The following EXOC1 variants were observed in gnomAD, a reference collection of about 807,000 sequenced individuals.
EXOC1 encodes exocyst complex component 1.
In EXOC1, 67 loss-of-function variants were observed where a neutral mutation model predicts 107.7. That is an observed-to-expected ratio of 0.62 (90% CI 0.51 to 0.76). The LOEUF (loss-of-function observed/expected upper bound fraction) is 0.76, where lower values mean the gene tolerates loss of function less well. EXOC1 is among the 30% of genes least tolerant of loss of function. EXOC1 has a pLI of 0.00. For missense variants in EXOC1, 833 were observed against 1,055.7 expected, an observed-to-expected ratio of 0.79 and a Z score of 2.92; for synonymous variants, 348 against 353.5, an observed-to-expected ratio of 0.98 and a Z score of 0.17.
chr4:55,855,287 G>A lies in EXOC1; in HGVS notation c.-11+1334G>A, dbSNP rs148117132. On this transcript the variant is annotated intron_variant, in intron 1 of 18. Coordinates refer to ENST00000381295, the MANE Select transcript of EXOC1 (RefSeq NM_001024924.2). ...ACCTGGGTCAGTATATTTGCAGTGC[G>A]AAAAGAAAGGAATAAATTACATGTA... Among the ~76,000 whole-genome samples, 89 of 152,260 alleles carry A rather than the reference G, an allele frequency of 5.8e-4. No individual in the cohort carries two copies. The East Asian group carries it at 0.015, about 26-fold the overall frequency.
Position 55,860,391 on chromosome 4 carries a change from G to A in EXOC1, c.125-20G>A, listed in dbSNP as rs1167414238. 19 of 1,612,364 alleles carry A rather than the reference G, an allele frequency of 1.2e-5. No homozygotes were observed. Among genetic ancestry groups the A allele is most frequent in the Admixed American group, 1.7e-5 (1 of 59,952 alleles). ...GAAAGGGGTAATATTTCTAATAAAA[G>A]TGTGCGTTTTACTCAACAGTGACAA... On this transcript the variant is annotated intron_variant, in intron 2 of 18. Transcript: ENST00000381295.
At chr4:55,871,717 T>C in intron 7 of EXOC1, 132 bp from the exon 8 acceptor site, 2 of 691,448 alleles carry the variant, frequency 2.9e-6, no homozygotes, top group South Asian at 4.1e-5. Flanking sequence ...CTGCTTAACT[T>C]TTATCATGTA....
Position 55,899,729 on chromosome 4 carries a change from GT to G in EXOC1, c.2184del (p.Met729Ter), listed in dbSNP as rs779111123. The G allele has an allele frequency of 6.2e-7, 1 of 1,613,700 alleles. No individual in the cohort carries two copies. Among genetic ancestry groups the G allele is most frequent in the East Asian group, 2.2e-5 (1 of 44,822 alleles). On this transcript the variant is annotated frameshift_variant, in exon 17 of 19. Coordinates refer to ENST00000381295, the MANE Select transcript of EXOC1 (RefSeq NM_001024924.2). LOFTEE classifies it high-confidence loss of function. Reference protein sequence around the residue: ...NESQKTPRDVVMMENFHHIFA... With the variant: ...NESQKTPRDVXMMENFHHIFA... The stretch of plus-strand genomic sequence containing the variant: ...AAGCCAGAAGACCCCCAGGGATGTG[GT>G]TATGATGGAAAACTTTCACCATATT...
chr4:55,893,811 G>A (rs1724859237), intron 15 of EXOC1, 31 bp downstream of exon 15: 4 of 1,557,772 alleles, frequency 2.6e-6, no homozygotes, highest in Non-Finnish European at 3.5e-6. Context: ...AAATACCTTA[G>A]CATCCTAGTC....
intron 5 of EXOC1, among the ~76,000 whole-genome samples, chr4:55,870,057 A>G (rs1722283690): frequency 6.6e-6 from 1 of 151,976 alleles, no homozygotes; most frequent in African/African-American, 2.4e-5. Context: ...TTGCCTGGGG[A>G]AGAAAAAAAA....
chr4:55,858,820 C>A (rs993835167), intron 2 of EXOC1, among the ~76,000 whole-genome samples: 23 of 151,974 alleles, frequency 1.5e-4, no homozygotes, highest in African/African-American at 5.6e-4. Context: ...GGTTATCAAC[C>A]TTTTGTTGGT....
chr4:55,856,859 A>G (rs973555156), intron 1 of EXOC1, among the ~76,000 whole-genome samples: 1 of 152,184 alleles, frequency 6.6e-6, no homozygotes, highest in Non-Finnish European at 1.5e-5. Flanking sequence ...TTTCAATTGT[A>G]TAATTGAGTG....
intron 18 of EXOC1, 27 bp from the exon 19 acceptor site, chr4:55,904,315 GC>G (rs762775180): frequency 2.2e-5 from 35 of 1,562,312 alleles, no homozygotes; most frequent in Non-Finnish European, 2.9e-5. Context: ...TCCATTCATA[GC>G]CTAATGACTT....
intron 8 of EXOC1, chr4:55,876,827 T>G: frequency 3.0e-6 from 3 of 984,772 alleles, no homozygotes; most frequent in Non-Finnish European, 3.6e-6. Context: ...CTTTTTAATT[T>G]CCATTTTAAA....
intron 16 of EXOC1, among the ~76,000 whole-genome samples, chr4:55,898,099 A>G (rs936597142): frequency 6.6e-6 from 1 of 152,076 alleles, no homozygotes; most frequent in Non-Finnish European, 1.5e-5. Context: ...TACAAAAAAA[A>G]TTTAAAAAAT....
In EXOC1 at chr4:55,897,182, G is replaced by A. The variant is rs184764218; in HGVS notation, c.2137+282G>A. Among the ~76,000 whole-genome samples, 16 of 150,500 alleles carry A rather than the reference G, an allele frequency of 1.1e-4. No individual in the cohort carries two copies. In the East Asian group the frequency reaches 2.9e-3, roughly 28 times the overall value. ...CACTCTGTCGCCCAGGCTGGAGTGC[G>A]GTGGCATGATCTTGGCTCACTGCAA... On this transcript the variant is annotated intron_variant, in intron 16 of 18. Coordinates refer to ENST00000381295, the MANE Select transcript of EXOC1 (RefSeq NM_001024924.2).
At chr4:55,896,585 G>A (rs974900148) in intron 15 of EXOC1, 132 bp from the exon 16 acceptor site, 5 of 640,982 alleles carry the variant, frequency 7.8e-6, no homozygotes, top group Non-Finnish European at 1.2e-5. Context: ...AGTGTTCTAG[G>A]TACCACATAA....
chr4:55,865,344 A>G (rs1287666776), intron 4 of EXOC1, among the ~76,000 whole-genome samples: 1 of 152,174 alleles, frequency 6.6e-6, no homozygotes, highest in East Asian at 1.9e-4. Context: ...GCACTTAGTA[A>G]TCAGTGAGCC....
At chr4:55,891,561 T>A in intron 13 of EXOC1, 139 bp downstream of exon 13, 1 of 605,870 alleles carries the variant, frequency 1.7e-6, no homozygotes, top group South Asian at 2.4e-5. Flanking sequence ...ATGTAAGGAT[T>A]TAGGATGTAA....
At position 55,853,959 on chromosome 4, in the gene EXOC1, A is replaced by T. The variant is rs1004192538; in HGVS notation, c.-11+6A>T. The T allele has an allele frequency of 1.3e-5, 2 of 152,342 alleles. No homozygotes were observed. Among genetic ancestry groups the T allele is most frequent in the East Asian group, 1.9e-4 (1 of 5,194 alleles). 9.4% of individuals were successfully genotyped at this position (152,342 alleles called of 1,614,324 possible). On this transcript the variant is annotated splice_donor_region_variant and intron_variant, in intron 1 of 18. Transcript: ENST00000381295. ...TCCTTTCCCCGTTTGTCCCGGTAAG[A>T]CGAAGTTTGGTCAGAGCATTCTCCA... is the stretch of plus-strand genomic sequence containing the variant.
chr4:55,869,167 A>G (rs1349164460), intron 5 of EXOC1, among the ~76,000 whole-genome samples: 1 of 152,042 alleles, frequency 6.6e-6, no homozygotes, highest in Non-Finnish European at 1.5e-5. Flanking sequence ...GGAATTCGAG[A>G]CGAGCCTGGC....
chr4:55,865,914 G>A (rs547702629), intron 4 of EXOC1, among the ~76,000 whole-genome samples: 176 of 151,972 alleles, frequency 1.2e-3, no homozygotes, highest in African/African-American at 3.7e-3. Flanking sequence ...AACTGAGATC[G>A]ATTTTAAGAA....
chr4:55,861,739 G>T (rs1229689388), intron 3 of EXOC1, among the ~76,000 whole-genome samples: 1 of 152,216 alleles, frequency 6.6e-6, no homozygotes, highest in Non-Finnish European at 1.5e-5. Context: ...AGATTGGAAA[G>T]AAAATTATAA....
chr4:55,858,140 C>CG (rs1279797997), intron 1 of EXOC1, among the ~76,000 whole-genome samples, 174 bp from the exon 2 acceptor site: 1 of 152,094 alleles, frequency 6.6e-6, no homozygotes, highest in Non-Finnish European at 1.5e-5. Context: ...CACTGGTTCT[C>CG]TAATTTTATT....
Sources: gnomAD v4.1 joint callset for allele counts (sites outside exome capture counted in the v4.1 genomes callset) on GRCh38, gnomAD v4.1.1 for gene constraint, MANE v1.5 for transcripts, NCBI Gene and HGNC (gene_info 2026-07-23, HGNC 2026-07-21) for gene names.